Variants in BBX observed in about 807,000 individuals in gnomAD.
BBX encodes BBX high mobility group box domain containing.
BBX carries 30 observed loss-of-function variants against 100.2 expected under a neutral mutation model. The ratio of observed to expected loss-of-function variants is 0.30; its 90% CI spans 0.22 to 0.41. The LOEUF is 0.41. BBX is among the 10% of genes least tolerant of loss of function. The pLI is 1.00. For missense variants in BBX, 1,023 were observed against 1,129.8 expected, an observed-to-expected ratio of 0.91 and a Z score of 1.35; for synonymous variants, 376 against 388.1, an observed-to-expected ratio of 0.97 and a Z score of 0.37.
At chr3:107,733,936 G>A (rs968924301) in intron 7 of BBX, among the ~76,000 whole-genome samples, 7 of 152,128 alleles carry the variant, frequency 4.6e-5, no homozygotes, top group Non-Finnish European at 8.8e-5. Flanking sequence ...ATTTCCCAGA[G>A]ACATTTAACA....
In BBX at chr3:107,809,578, G is replaced by A. The variant is rs756379089; in HGVS notation, c.*4121G>A. 3 of 152,322 alleles carry A rather than the reference G, an allele frequency of 2.0e-5. No individual in the cohort carries two copies. The highest frequency in any genetic ancestry group is 2.0e-4 in the Admixed American group (3 of 15,302). 9.4% of individuals were successfully genotyped at this position (152,322 alleles called of 1,614,324 possible). A position where few individuals can be genotyped will look rare whatever the true frequency, so the allele number is the denominator to read the frequency against. On this transcript the variant is annotated 3_prime_UTR_variant, in exon 18 of 18. Transcript: ENST00000325805. ...AATTTCAGTAAGTCCTGTTTCAAAA[G>A]TTTGTCTTTTTTTGCTTCTACCTTC...
chr3:107,546,671 A>G (rs2049262362), intron 2 of BBX, among the ~76,000 whole-genome samples: 1 of 152,312 alleles, frequency 6.6e-6, no homozygotes, highest in African/African-American at 2.4e-5. Flanking sequence ...TACTGTTATA[A>G]AAATCCATGT....
At chr3:107,612,337 G>A (rs561563343) in intron 2 of BBX, among the ~76,000 whole-genome samples, 5 of 152,074 alleles carry the variant, frequency 3.3e-5, no homozygotes, top group Non-Finnish European at 7.4e-5. Context: ...ATTTACTGTT[G>A]TCTTTGCAGT....
intron 2 of BBX, among the ~76,000 whole-genome samples, chr3:107,591,387 A>C (rs936421000): frequency 2.0e-5 from 3 of 152,222 alleles, no homozygotes; most frequent in Non-Finnish European, 4.4e-5. Flanking sequence ...GGAGGAGTGT[A>C]AGTCCATTAA....
chr3:107,627,712 G>T (rs913759469), intron 2 of BBX, among the ~76,000 whole-genome samples: 1 of 151,556 alleles, frequency 6.6e-6, no homozygotes, highest in Non-Finnish European at 1.5e-5. Context: ...ACTATTGATA[G>T]TGATATAGGT....
At chr3:107,616,005 C>CA (rs2055231173) in intron 2 of BBX, among the ~76,000 whole-genome samples, 2 of 19,218 alleles carry the variant, frequency 1.0e-4, no homozygotes, top group Non-Finnish European at 1.9e-4. Flanking sequence ...TACTCACCTG[C>CA]TTTTTTTTTT....
chr3:107,725,747 A>G (rs1310872869), intron 5 of BBX, among the ~76,000 whole-genome samples: 2 of 152,016 alleles, frequency 1.3e-5, no homozygotes, highest in African/African-American at 4.8e-5. Flanking sequence ...GGGATCCAGC[A>G]TTTACCAAGC....
chr3:107,792,342 T>TG (rs1227526435), intron 15 of BBX, among the ~76,000 whole-genome samples: 1 of 152,224 alleles, frequency 6.6e-6, no homozygotes, highest in Non-Finnish European at 1.5e-5. Flanking sequence ...TATCCAGAAA[T>TG]GGGAACTTCA....
At chr3:107,666,370 T>C (rs997165410) in intron 3 of BBX, among the ~76,000 whole-genome samples, 3 of 152,206 alleles carry the variant, frequency 2.0e-5, no homozygotes, top group Admixed American at 2.0e-4. Flanking sequence ...ATGATGTTAA[T>C]AGATCTGGTT....
chr3:107,706,782 C>A (rs1235433492), intron 3 of BBX, among the ~76,000 whole-genome samples: 2 of 152,128 alleles, frequency 1.3e-5, no homozygotes, highest in Admixed American at 6.5e-5. Flanking sequence ...TCTGTCACTT[C>A]AAAAATTAAC....
At chr3:107,561,271 C>G (rs952051754) in intron 2 of BBX, among the ~76,000 whole-genome samples, 8 of 152,144 alleles carry the variant, frequency 5.3e-5, no homozygotes, top group South Asian at 2.1e-4. Context: ...GACAGATTGT[C>G]CTGGTTATGT....
intron 3 of BBX, among the ~76,000 whole-genome samples, chr3:107,657,535 G>C (rs1009163793): frequency 5.9e-5 from 9 of 152,072 alleles, no homozygotes; most frequent in African/African-American, 2.2e-4. Context: ...AACTCATTTT[G>C]GGGATGTAGA....
chr3:107,769,231 C>CAGATAGAT (rs59812827), intron 10 of BBX, among the ~76,000 whole-genome samples: 3 of 98,390 alleles, frequency 3.0e-5, no homozygotes, highest in East Asian at 5.9e-4. Flanking sequence ...GATAGATAGA[C>CAGATAGAT]AGATAGATAG....
intron 2 of BBX, among the ~76,000 whole-genome samples, chr3:107,530,601 C>T (rs1300430792): frequency 6.6e-6 from 1 of 152,066 alleles, no homozygotes; most frequent in Non-Finnish European, 1.5e-5. Flanking sequence ...AAGGAACATA[C>T]AAGGTTGCAT....
At chr3:107,646,671 A>G (rs944074404) in intron 3 of BBX, among the ~76,000 whole-genome samples, 1 of 152,190 alleles carries the variant, frequency 6.6e-6, no homozygotes, top group Non-Finnish European at 1.5e-5. Context: ...CTGTTGATTT[A>G]TAAGACTGAA....
intron 3 of BBX, among the ~76,000 whole-genome samples, chr3:107,670,548 A>G (rs1460151405): frequency 6.6e-6 from 1 of 152,042 alleles, no homozygotes; most frequent in Admixed American, 6.5e-5. Context: ...TATAGCTGTT[A>G]TATGTCAATT....
intron 2 of BBX, among the ~76,000 whole-genome samples, chr3:107,567,582 C>G (rs1340720756): frequency 6.6e-6 from 1 of 152,062 alleles, no homozygotes; most frequent in Non-Finnish European, 1.5e-5. Context: ...TTTCATTTGC[C>G]TGCTGTATGG....
In BBX at chr3:107,772,980, G is replaced by A. The variant is rs986045033; in HGVS notation, c.1259G>A (p.Ser420Asn). The change falls in exon 11 of 18, where the codon AGT (serine) becomes AAT (asparagine). Residue 420 changes from serine to asparagine, a missense_variant. Physicochemically the swap from Ser to Asn is conservative, Grantham distance 46 (BLOSUM62 1). Around this residue, in one of 9 missense-constraint regions of BBX, gnomAD observed 348 missense variants for 353.2 expected, o/e 0.99. Transcript: ENST00000325805. Reference sequence around the variant, plus strand: ...TCTGCCAGTAGCAAGATAATAATTAGTGATGTTCCCAGTAGAAAGGATCAT... The same window carrying A: ...TCTGCCAGTAGCAAGATAATAATTAATGATGTTCCCAGTAGAAAGGATCAT... ...SYSASSKIIISDVPSRKDHMC... is the reference protein window; with the variant it reads ...SYSASSKIIINDVPSRKDHMC... 1.9e-6 allele frequency: 3 copies of A among 1,613,854 alleles called. No homozygotes were observed. The highest frequency in any genetic ancestry group is 2.5e-6 in the Non-Finnish European group (3 of 1,179,956).
chr3:107,669,386 T>G (rs778943523), intron 3 of BBX, among the ~76,000 whole-genome samples: 2 of 152,110 alleles, frequency 1.3e-5, no homozygotes, highest in Non-Finnish European at 2.9e-5. Flanking sequence ...AGCTGGGCCT[T>G]GAATACATCT....
Sources: gnomAD v4.1 joint callset for allele counts (sites outside exome capture counted in the v4.1 genomes callset) on GRCh38, gnomAD v4.1.1 for gene constraint, gnomAD v4.1.1 regional missense constraint, MANE v1.5 for transcripts, NCBI Gene and HGNC (gene_info 2026-07-23, HGNC 2026-07-21) for gene names.